Variants in NANOS3 observed in about 807,000 individuals in gnomAD.
NANOS3 encodes the protein nanos homolog 3.
Under a neutral mutation model 13.8 loss-of-function variants are expected in NANOS3, and 11 were observed. The ratio of observed to expected loss-of-function variants is 0.80; its 90% CI spans 0.50 to 1.32. The LOEUF is 1.32. Among genes scored for constraint, NANOS3 ranks in the 40% most tolerant of loss-of-function variants. NANOS3 has a pLI of 0.00. For missense variants in NANOS3, 221 were observed against 263.8 expected (o/e 0.84, Z 1.12); for synonymous variants, 119 against 115.4 (o/e 1.03, Z -0.20).
At chr19:13,874,684 C>G, upstream of NANOS3, 1 of 528,142 alleles carries the variant, frequency 1.9e-6, no homozygotes, top group Non-Finnish European at 3.9e-6. Context: ...CTACCCCACC[C>G]CCGACTCCAG....
In NANOS3 at chr19:13,877,672, A is replaced by G. The variant is rs745325831; in HGVS notation, c.424A>G (p.Thr142Ala). The G allele has an allele frequency of 4.3e-6, 7 of 1,611,982 alleles. No individual in the cohort carries two copies. Among genetic ancestry groups the G allele is most frequent in the African/African-American group, 1.3e-5 (1 of 75,028 alleles). Residue 142 changes from threonine to alanine, a missense_variant, in exon 1 of 2, where the codon ACC becomes GCC. Thr to Ala is a moderately conservative substitution (Grantham distance 58, BLOSUM62 0). Around this residue, in one of 3 missense-constraint regions of NANOS3, gnomAD observed 49 missense variants for 91.0 expected, o/e 0.54. Transcript: ENST00000339133. ...GQGYTSVYSHTTRNSAGKKLV... is the reference protein window; with the variant it reads ...GQGYTSVYSHATRNSAGKKLV... ...GGGCTACACCTCCGTCTACAGCCAC[A>G]CCACCCGAAACTCGGCAGGCAAGAA...
At chr19:13,868,724 T>G (rs1408558470) in intron 1 of NANOS3, among the ~76,000 whole-genome samples, 1 of 149,934 alleles carries the variant, frequency 6.7e-6, no homozygotes, top group Non-Finnish European at 1.5e-5. Flanking sequence ...TTCCCACACC[T>G]GACATTTTAG....
intron 1 of NANOS3, among the ~76,000 whole-genome samples, chr19:13,879,704 G>A (rs1332479962): frequency 4.7e-5 from 7 of 150,050 alleles, no homozygotes; most frequent in Admixed American, 4.0e-4. Context: ...CTGCAGCCTG[G>A]GCAACACAGC....
Position 13,869,753 on chromosome 19 carries a change from TACACACACACACACACGCACGC to T in NANOS3, n.21+4337_21+4358del, listed in dbSNP as rs986973413. On this transcript the variant is annotated intron_variant and non_coding_transcript_variant, in intron 1 of 2. Coordinates refer to the NANOS3 transcript ENST00000591161. ...CCCGTGTCCCCCTTCCAGGCCCAAG[TACACACACACACACACGCACGC>T]ACACACACACACACACGCACACACA... Among the ~76,000 whole-genome samples, 238 of 146,614 alleles carry T rather than the reference TACACACACACACACACGCACGC, an allele frequency of 1.6e-3. 8 individuals are homozygous for T. Among genetic ancestry groups the T allele is most frequent in the East Asian group, 4.0e-3 (20 of 4,986 alleles).
At chr19:13,864,840 T>G (rs1158478665), upstream of NANOS3, among the ~76,000 whole-genome samples, 1 of 151,866 alleles carries the variant, frequency 6.6e-6, no homozygotes, top group Non-Finnish European at 1.5e-5. Context: ...TGTAGCTGGG[T>G]TTTATGACCA....
chr19:13,862,853 C>A (rs1399537394), upstream of NANOS3, among the ~76,000 whole-genome samples: 1 of 152,186 alleles, frequency 6.6e-6, no homozygotes, highest in African/African-American at 2.4e-5. Context: ...CTGCCTCTTA[C>A]AGGCGGTACC....
upstream of NANOS3, among the ~76,000 whole-genome samples, chr19:13,863,597 G>C (rs755949558): frequency 5.4e-4 from 82 of 150,928 alleles, 1 homozygote; most frequent in African/African-American, 1.8e-3. Flanking sequence ...GAGCTGACTG[G>C]CCCCCCCCAA....
At position 13,877,424 on chromosome 19, in the gene NANOS3, G is replaced by A. The variant is rs887965197; in HGVS notation, c.176G>A (p.Gly59Glu). The change falls in exon 1 of 2, where the codon GGA (glycine) becomes GAA (glutamate). Residue 59 changes from glycine (G) to glutamate (E), a missense_variant. Physicochemically the swap from Gly to Glu is moderately conservative, Grantham distance 98. Coordinates refer to ENST00000339133, the MANE Select transcript of NANOS3 (RefSeq NM_001098622.3). ...MPAPESVPVP[G>E]PKDQKRSLES... ...GCGCCGGAGTCGGTGCCAGTGCCGG[G>A]ACCCAAGGATCAGAAGCGCAGCCTG... 7.4e-6 allele frequency: 12 copies of A among 1,612,264 alleles called. No individual in the cohort carries two copies. The highest frequency in any genetic ancestry group is 2.2e-5 in the South Asian group (2 of 91,084).
chr19:13,866,788 A>G (rs573670134), intron 1 of NANOS3, among the ~76,000 whole-genome samples: 2 of 152,198 alleles, frequency 1.3e-5, no homozygotes, highest in East Asian at 3.9e-4. Flanking sequence ...CATCGTTCAC[A>G]ATACCTGGGA....
upstream of NANOS3, among the ~76,000 whole-genome samples, chr19:13,876,714 C>T (rs548227201): frequency 6.6e-6 from 1 of 152,186 alleles, no homozygotes; most frequent in East Asian, 1.9e-4. Flanking sequence ...CACAAAGAAC[C>T]CAGGGGCACC....
At chr19:13,870,149 G>A (rs1465160237) in intron 1 of NANOS3, among the ~76,000 whole-genome samples, 1 of 151,734 alleles carries the variant, frequency 6.6e-6, no homozygotes, top group Non-Finnish European at 1.5e-5. Context: ...CGACTTCCCT[G>A]GCTTCCGTCA....
At chr19:13,876,115 G>A (rs1417546655), upstream of NANOS3, among the ~76,000 whole-genome samples, 1 of 152,142 alleles carries the variant, frequency 6.6e-6, no homozygotes, top group Non-Finnish European at 1.5e-5. Context: ...CCAGTAACTA[G>A]AAGAAGGAGG....
Position 13,877,349 on chromosome 19 carries a change from C to T in NANOS3, c.101C>T (p.Pro34Leu). The T allele has an allele frequency of 6.2e-7, 1 of 1,605,266 alleles. No homozygotes were observed. Among genetic ancestry groups the T allele is most frequent in the Non-Finnish European group, 8.5e-7 (1 of 1,178,666 alleles). Residue 34 changes from proline to leucine, a missense_variant, in exon 1 of 2, where the codon CCA (proline) becomes CTA (leucine). This residue lies in a region of NANOS3 where 112 missense variants were observed against 116.3 expected (regional missense o/e 0.96). Coordinates refer to ENST00000339133, the MANE Select transcript of NANOS3 (RefSeq NM_001098622.3). ...CCTGAAACCAGGCTGAGCCCCCAGC[C>T]AGAGCCAGAGCCAATGCTGGAGCCG... ...EGPETRLSPQ[P>L]EPEPMLEPVS...
At chr19:13,866,659 C>T (rs573181550) in intron 1 of NANOS3, among the ~76,000 whole-genome samples, 4 of 152,338 alleles carry the variant, frequency 2.6e-5, no homozygotes, top group East Asian at 1.9e-4. Context: ...ATAGACACAG[C>T]CTTTCGCATA....
upstream of NANOS3, among the ~76,000 whole-genome samples, chr19:13,875,963 G>A (rs538996246): frequency 2.6e-5 from 4 of 152,256 alleles, no homozygotes; most frequent in South Asian, 8.3e-4. Context: ...GGAGGACACT[G>A]AAGACCTGTA....
chr19:13,868,946 T>TGG (rs1976283486), intron 1 of NANOS3, among the ~76,000 whole-genome samples: 1 of 151,736 alleles, frequency 6.6e-6, no homozygotes, highest in Non-Finnish European at 1.5e-5. Flanking sequence ...CACACACAGC[T>TGG]GGTGGAGAGA....
intron 1 of NANOS3, among the ~76,000 whole-genome samples, chr19:13,880,108 G>A (rs1420033603): frequency 1.3e-5 from 2 of 152,234 alleles, no homozygotes; most frequent in Non-Finnish European, 2.9e-5. Flanking sequence ...ACTGGGAGAC[G>A]CTGGAGGCCA....
chr19:13,863,561 C>T (rs1305569179), upstream of NANOS3, among the ~76,000 whole-genome samples: 6 of 151,926 alleles, frequency 3.9e-5, no homozygotes, highest in African/African-American at 9.7e-5. Flanking sequence ...GGCAGGGGGG[C>T]GGGCGGCACA....
chr19:13,864,180 C>T (rs1976197069), upstream of NANOS3, among the ~76,000 whole-genome samples: 1 of 151,924 alleles, frequency 6.6e-6, no homozygotes, highest in South Asian at 2.1e-4. Flanking sequence ...ATCATTCCAG[C>T]CTTGTGCATG....
Sources: allele counts gnomAD v4.1 joint callset (sites outside exome capture counted in the v4.1 genomes callset), GRCh38; gene constraint gnomAD v4.1.1; regional missense constraint gnomAD v4.1.1; transcripts MANE v1.5; gene names NCBI Gene and HGNC (gene_info 2026-07-23, HGNC 2026-07-21).